ZNF333: variants seen among roughly 807,000 people sequenced by gnomAD.
ZNF333 encodes zinc finger protein 333.
Under a neutral mutation model 76.1 loss-of-function variants are expected in ZNF333, and 61 were observed. The observed-to-expected ratio is 0.80, with a 90% CI of 0.65 to 0.99. The LOEUF is 0.99. Ranked by LOEUF, ZNF333 falls within the 50% of genes least tolerant of loss-of-function variation. ZNF333 has a pLI of 0.00. For synonymous variants in ZNF333, 284 were observed against 305.0 expected (o/e 0.93, Z 0.72); for missense variants, 717 against 822.4 (o/e 0.87, Z 1.57).
chr19:14,694,421 C>T (rs975239800), intron 2 of ZNF333, among the ~76,000 whole-genome samples: 23 of 151,244 alleles, frequency 1.5e-4, no homozygotes, highest in Admixed American at 1.4e-3. Flanking sequence ...TGCAGTGAGC[C>T]GAGATGGCGC....
At chr19:14,705,244 A>G in intron 6 of ZNF333, 74 bp downstream of exon 6, 3 of 1,276,680 alleles carry the variant, frequency 2.3e-6, no homozygotes, top group Non-Finnish European at 3.3e-6. Flanking sequence ...TTGTCTGTAA[A>G]TTGGGGGAGG....
rs4808305 is a variant in ZNF333, at chr19:14,690,145, T to C, written c.-47T>C. ...CACGGTGGGAGTGTCTCCGGCTGGCTTGCAGGTGTGGCCCGGCCCCTCGGG... is the reference window on the plus strand; with the variant it reads ...CACGGTGGGAGTGTCTCCGGCTGGCCTGCAGGTGTGGCCCGGCCCCTCGGG... On this transcript the variant is annotated 5_prime_UTR_variant, in exon 1 of 12. Transcript: ENST00000292530. 0.43 allele frequency: 63,626 copies of C among 147,906 alleles called. 15,101 individuals are homozygous for C. Among genetic ancestry groups the C allele is most frequent in the East Asian group, 0.7 (3,413 of 4,850 alleles). 9.2% of individuals were successfully genotyped at this position (147,906 alleles called of 1,614,324 possible). A position where few individuals can be genotyped will look rare whatever the true frequency, so the allele number is the denominator to read the frequency against.
At position 14,719,157 on chromosome 19, in the gene ZNF333, AAC is replaced by A. The variant is rs1197634683; in HGVS notation, c.1836_1837del (p.His612GlnfsTer9). The A allele has an allele frequency of 1.2e-6, 2 of 1,614,172 alleles. No individual in the cohort carries two copies. The highest frequency in any genetic ancestry group is 3.3e-5 in the Admixed American group (2 of 60,014). ...QSSHLIVHVR[T>X]HSAGRPYQCN... ...CTTCACATCTTATTGTACATGTGAG[AAC>A]ACACAGTGCCGGGAGACCCTATCAA... is the stretch of plus-strand genomic sequence containing the variant. On this transcript the variant is annotated frameshift_variant, in exon 12 of 12. Coordinates refer to ENST00000292530, the MANE Select transcript of ZNF333 (RefSeq NM_032433.4). LOFTEE classifies it high-confidence loss of function.
chr19:14,733,547 G>A (rs1434818144), exon 12 of ZNF333: 1 of 151,918 alleles, frequency 6.6e-6, no homozygotes, highest in Non-Finnish European at 1.5e-5. Flanking sequence ...GCAGAAAAAT[G>A]TATAAAAGCA....
chr19:14,690,076 C>G lies in ZNF333; in HGVS notation c.-116C>G, dbSNP rs1832255353. 1 of 151,284 alleles carries G rather than the reference C, an allele frequency of 6.6e-6. No homozygotes were observed. Among genetic ancestry groups the G allele is most frequent in the Non-Finnish European group, 1.5e-5 (1 of 68,218 alleles). 9.4% of individuals were successfully genotyped at this position (151,284 alleles called of 1,614,324 possible). ...CGGAAGTGCGCGCGGCGGCGGCCGA[C>G]GGCGGCTGAGCTGTGCTGCGCGGCG... On this transcript the variant is annotated 5_prime_UTR_variant, in exon 1 of 12. Transcript: ENST00000292530.
intron 11 of ZNF333, among the ~76,000 whole-genome samples, chr19:14,729,591 G>A (rs547629488): frequency 3.8e-4 from 58 of 152,144 alleles, no homozygotes; most frequent in Non-Finnish European, 7.1e-4. Context: ...GGGCTGAAGC[G>A]ATCTGCCCAC....
intron 7 of ZNF333, chr19:14,715,065 G>T (rs145978494): frequency 4.0e-6 from 1 of 251,678 alleles, no homozygotes; most frequent in South Asian, 4.3e-5. Flanking sequence ...GTGTGTGCAC[G>T]TCTATATGTC....
intron 7 of ZNF333, chr19:14,708,695 A>C (rs530564807): frequency 3.8e-6 from 1 of 260,904 alleles, no homozygotes; most frequent in South Asian, 1.7e-4. Context: ...CTTTTCCTCT[A>C]TGAGTTTGCT....
downstream of ZNF333, among the ~76,000 whole-genome samples, chr19:14,725,887 G>A (rs1317681059): frequency 6.6e-6 from 1 of 152,178 alleles, no homozygotes; most frequent in Non-Finnish European, 1.5e-5. Context: ...TACCATTCTG[G>A]GGTCTGGAGG....
chr19:14,731,259 G>A, exon 12 of ZNF333: 2 of 1,409,512 alleles, frequency 1.4e-6, no homozygotes, highest in Non-Finnish European at 1.9e-6. Context: ...GGATATCAAA[G>A]GATCACTACT....
intron 11 of ZNF333, among the ~76,000 whole-genome samples, chr19:14,730,875 A>G (rs1036526182): frequency 6.6e-6 from 1 of 151,670 alleles, no homozygotes; most frequent in African/African-American, 2.4e-5. Flanking sequence ...TGTACCCAAT[A>G]TTTAGCTCTC....
intron 5 of ZNF333, among the ~76,000 whole-genome samples, chr19:14,703,992 T>C (rs2042038856): frequency 6.6e-6 from 1 of 152,154 alleles, no homozygotes; most frequent in Non-Finnish European, 1.5e-5. Context: ...TTCTCACCCT[T>C]ATGGAGGCTG....
intron 7 of ZNF333, 187 bp from the exon 8 acceptor site, chr19:14,715,195 A>G: frequency 1.7e-6 from 1 of 572,978 alleles, no homozygotes; most frequent in South Asian, 2.0e-5. Context: ...ACGTGTGTGC[A>G]TGTGATTGCA....
At chr19:14,724,475 GT>G (rs1368651079), downstream of ZNF333, among the ~76,000 whole-genome samples, 1 of 152,146 alleles carries the variant, frequency 6.6e-6, no homozygotes, top group African/African-American at 2.4e-5. Flanking sequence ...CCATTAAAAA[GT>G]TTGTTTAAGC....
At chr19:14,717,203 G>T (rs2042460274) in intron 10 of ZNF333, 114 bp downstream of exon 10, 48 of 794,426 alleles carry the variant, frequency 6.0e-5, no homozygotes, top group Non-Finnish European at 9.2e-5. Flanking sequence ...AAGCCTGTTT[G>T]GTTGAGCTCC....
chr19:14,701,763 C>G (rs1431010094), intron 5 of ZNF333: 7 of 985,378 alleles, frequency 7.1e-6, no homozygotes, highest in Non-Finnish European at 8.4e-6. Context: ...GCATGGGGCT[C>G]TTGTTACATC....
Position 14,715,043 on chromosome 19 carries a change from G to A in ZNF333, c.512-339G>A, listed in dbSNP as rs1249720753. On this transcript the variant is annotated intron_variant, in intron 7 of 11. Coordinates refer to ENST00000292530, the MANE Select transcript of ZNF333 (RefSeq NM_032433.4). ...GGATATGGAATGAAGGCGTGCGTGT[G>A]TGTGTGTGTGTGTGTGTGCACGTCT... is the stretch of plus-strand genomic sequence containing the variant. The A allele has an allele frequency of 1.8e-4, 8 of 45,232 alleles. No homozygotes were observed. In the Admixed American group the frequency reaches 2.2e-3, roughly 12 times the overall value. The allele number at this position is 45,232 out of a possible 1,614,324, so 2.8% of individuals were successfully genotyped here.
At chr19:14,693,183 C>T (rs1972901968) in intron 1 of ZNF333, among the ~76,000 whole-genome samples, 1 of 152,108 alleles carries the variant, frequency 6.6e-6, no homozygotes, top group Non-Finnish European at 1.5e-5. Flanking sequence ...CAAATCACAC[C>T]TTCATATGGG....
chr19:14,727,503 T>A (rs984488314), intron 11 of ZNF333, among the ~76,000 whole-genome samples: 1 of 152,126 alleles, frequency 6.6e-6, no homozygotes, highest in South Asian at 2.1e-4. Flanking sequence ...AGACGTTCCA[T>A]ACTCTTTTAA....
Sources: gnomAD v4.1 joint callset for allele counts (sites outside exome capture counted in the v4.1 genomes callset) on GRCh38, gnomAD v4.1.1 for gene constraint, MANE v1.5 for transcripts, NCBI Gene and HGNC (gene_info 2026-07-23, HGNC 2026-07-21) for gene names.